Variants in ADARB2 observed in about 807,000 individuals in gnomAD.
ADARB2 encodes adenosine deaminase RNA specific B2 (inactive).
Under a neutral mutation model 62.2 loss-of-function variants are expected in ADARB2, and 25 were observed. That is an observed-to-expected ratio of 0.40 (90% CI 0.29 to 0.56). ADARB2 has a LOEUF of 0.56. Among genes scored for constraint, ADARB2 ranks in the 20% least tolerant of loss-of-function variants. ADARB2 has a pLI of 0.43. For synonymous variants in ADARB2, 572 were observed against 500.8 expected, an observed-to-expected ratio of 1.14 and a Z score of -1.90; for missense variants, 1,071 against 1,077.4, an observed-to-expected ratio of 0.99 and a Z score of 0.08.
intron 1 of ADARB2, among the ~76,000 whole-genome samples, chr10:1,627,117 C>T (rs750260312): frequency 2.0e-5 from 3 of 152,238 alleles, no homozygotes; most frequent in Admixed American, 6.5e-5. Flanking sequence ...GAACTGGAGC[C>T]GGGCCCTCGG....
intron 1 of ADARB2, among the ~76,000 whole-genome samples, chr10:1,553,952 C>A (rs918374626): frequency 6.6e-6 from 1 of 152,200 alleles, no homozygotes; most frequent in Non-Finnish European, 1.5e-5. Context: ...CAGAGGAGGC[C>A]TGTAAACCGG....
chr10:1,677,607 G>A (rs1210622003), intron 1 of ADARB2, among the ~76,000 whole-genome samples: 1 of 152,186 alleles, frequency 6.6e-6, no homozygotes, highest in Non-Finnish European at 1.5e-5. Context: ...TGGCCTGCTG[G>A]TGCATCATGG....
chr10:1,662,445 G>C (rs1424728088), intron 1 of ADARB2, among the ~76,000 whole-genome samples: 1 of 152,162 alleles, frequency 6.6e-6, no homozygotes, highest in African/African-American at 2.4e-5. Context: ...AGCCTGACCT[G>C]CCTGCTCTTG....
intron 3 of ADARB2, chr10:1,293,004 AGGAGAGAGGGAGG>A (rs1564248568): frequency 4.4e-4 from 22 of 49,932 alleles, no homozygotes; most frequent in African/African-American, 1.3e-3. Context: ...GAGGGAGGGA[AGGAGAGAGGGAGG>A]GGAGAGAGAG....
chr10:1,574,123 G>A (rs537595595), intron 1 of ADARB2, among the ~76,000 whole-genome samples: 28 of 152,304 alleles, frequency 1.8e-4, no homozygotes, highest in South Asian at 4.1e-4. Flanking sequence ...GGAAGGTGGC[G>A]TCCTTCCCTC....
chr10:1,400,789 A>C (rs1248696769), intron 1 of ADARB2, among the ~76,000 whole-genome samples: 1 of 152,126 alleles, frequency 6.6e-6, no homozygotes, highest in Non-Finnish European at 1.5e-5. Context: ...CGGTTTGTAA[A>C]AAGGCGTGGC....
Position 1,200,160 on chromosome 10 carries a change from C to G in ADARB2, c.1683-13G>C, listed in dbSNP as rs1224858152. The G allele has an allele frequency of 6.5e-7, 1 of 1,550,150 alleles. No individual in the cohort carries two copies. The highest frequency in any genetic ancestry group is 1.2e-5 in the South Asian group (1 of 84,030). ...CAGGACGTTCCACCTGTGGGGAGAG[C>G]CAGCAGTCAGCGGAGCCCCACCCAG... On this transcript the variant is annotated splice_polypyrimidine_tract_variant and intron_variant, in intron 7 of 9. Coordinates refer to ENST00000381312, the MANE Select transcript of ADARB2 (RefSeq NM_018702.4).
At chr10:1,651,249 CA>C (rs1401262034) in intron 1 of ADARB2, among the ~76,000 whole-genome samples, 3 of 152,218 alleles carry the variant, frequency 2.0e-5, no homozygotes, top group Non-Finnish European at 2.9e-5. Context: ...CATTAGGAAC[CA>C]CCCTGTGCTT....
intron 3 of ADARB2, among the ~76,000 whole-genome samples, chr10:1,282,316 T>A (rs1255301494): frequency 1.3e-5 from 2 of 152,228 alleles, no homozygotes; most frequent in Non-Finnish European, 2.9e-5. Flanking sequence ...CAGATCTTGC[T>A]TTTTTGCACT....
At chr10:1,318,294 A>G (rs1393509234) in intron 3 of ADARB2, among the ~76,000 whole-genome samples, 2 of 152,152 alleles carry the variant, frequency 1.3e-5, no homozygotes, top group Non-Finnish European at 2.9e-5. Flanking sequence ...ATTTGGTACC[A>G]TTTGTTTATT....
chr10:1,304,120 C>A (rs956214916), intron 3 of ADARB2, among the ~76,000 whole-genome samples: 3 of 151,558 alleles, frequency 2.0e-5, no homozygotes, highest in Non-Finnish European at 4.4e-5. Context: ...GTGCTGTATT[C>A]AGGAAACCCA....
chr10:1,360,765 G>A (rs942102754), intron 3 of ADARB2, among the ~76,000 whole-genome samples: 2 of 152,216 alleles, frequency 1.3e-5, no homozygotes, highest in Admixed American at 1.3e-4. Context: ...TCCAGTCGGG[G>A]TGGTTAGGGA....
intron 5 of ADARB2, 97 bp downstream of exon 5, chr10:1,242,034 G>A (rs1053008089): frequency 1.3e-5 from 17 of 1,297,850 alleles, no homozygotes; most frequent in South Asian, 2.8e-5. Flanking sequence ...AGGATAGAGG[G>A]AAGCGTGTTC....
At chr10:1,369,956 C>T (rs1832353014) in intron 2 of ADARB2, among the ~76,000 whole-genome samples, 1 of 152,182 alleles carries the variant, frequency 6.6e-6, no homozygotes, top group African/African-American at 2.4e-5. Context: ...GTGACCTGGC[C>T]CATCACGCGG....
intron 1 of ADARB2, among the ~76,000 whole-genome samples, chr10:1,713,311 G>A (rs1834976104): frequency 6.6e-6 from 1 of 152,172 alleles, no homozygotes. Context: ...TCCCCGGACC[G>A]GCATCCAACC....
Position 1,274,934 on chromosome 10 carries a change from C to T in ADARB2, c.1078-3865G>A, listed in dbSNP as rs146643986. On this transcript the variant is annotated intron_variant, in intron 3 of 9. Coordinates refer to ENST00000381312, the MANE Select transcript of ADARB2 (RefSeq NM_018702.4). ...GGGTGCAGGCTGGAGCAGCTGCGGC[C>T]GGGACACGGGTGAAGGCGGCTGGCA... Among the ~76,000 whole-genome samples the T allele has an allele frequency of 1.3e-3, 203 of 152,252 alleles. 2 individuals carry two copies. The East Asian group carries it at 0.034, about 26-fold the overall frequency.
chr10:1,514,152 G>GA (rs1467140013), intron 1 of ADARB2, among the ~76,000 whole-genome samples: 1 of 92,588 alleles, frequency 1.1e-5, no homozygotes, highest in Non-Finnish European at 2.2e-5. Flanking sequence ...TCCAGAGTTG[G>GA]GTGACAGTGT....
chr10:1,227,100 G>C (rs185132393), intron 6 of ADARB2, among the ~76,000 whole-genome samples: 1 of 152,192 alleles, frequency 6.6e-6, no homozygotes, highest in African/African-American at 2.4e-5. Flanking sequence ...CAACTAACTC[G>C]GCAATGGCGG....
At chr10:1,397,759 C>T (rs1426135546) in intron 1 of ADARB2, among the ~76,000 whole-genome samples, 3 of 76,064 alleles carry the variant, frequency 3.9e-5, no homozygotes, top group South Asian at 6.5e-4. Flanking sequence ...GGTCACCGTC[C>T]GTCTCTCCCC....
Sources: allele counts gnomAD v4.1 joint callset (sites outside exome capture counted in the v4.1 genomes callset), GRCh38; gene constraint gnomAD v4.1.1; transcripts MANE v1.5; gene names NCBI Gene and HGNC (gene_info 2026-07-23, HGNC 2026-07-21).